Variants in SFMBT2 observed in about 807,000 individuals in gnomAD.
SFMBT2 encodes the protein Scm like with four mbt domains 2.
A neutral mutation model predicts 110.1 loss-of-function variants in SFMBT2; 38 were observed. That is an observed-to-expected ratio of 0.35 (90% CI 0.27 to 0.45). The LOEUF (loss-of-function observed/expected upper bound fraction) is 0.45, where lower values mean the gene tolerates loss of function less well. Ranked by LOEUF, SFMBT2 falls within the 20% of genes least tolerant of loss-of-function variation. SFMBT2 has a pLI of 1.00. For synonymous variants in SFMBT2, 425 were observed against 425.4 expected, an observed-to-expected ratio of 1.00 and a Z score of 0.01; for missense variants, 1,011 against 1,094.9, an observed-to-expected ratio of 0.92 and a Z score of 1.08.
chr10:7,349,526 C>T (rs1446991730), intron 4 of SFMBT2, among the ~76,000 whole-genome samples: 2 of 126,084 alleles, frequency 1.6e-5, no homozygotes, highest in South Asian at 2.8e-4. Flanking sequence ...GGCATGATCT[C>T]AGTTCACTGC....
At chr10:7,205,967 T>C (rs373968940) in intron 11 of SFMBT2, 39 bp from the exon 12 acceptor site, 12 of 1,609,222 alleles carry the variant, frequency 7.5e-6, no homozygotes, top group African/African-American at 1.3e-5. Context: ...TACAAACAGA[T>C]CTTACCAACA....
intron 1 of SFMBT2, among the ~76,000 whole-genome samples, chr10:7,384,441 T>C (rs1845527391): frequency 6.6e-6 from 1 of 151,680 alleles, no homozygotes; most frequent in Non-Finnish European, 1.5e-5. Context: ...AAACTGAGTT[T>C]GCTTCGTTCA....
At chr10:7,179,390 CGA>C (rs1491341425) in intron 16 of SFMBT2, among the ~76,000 whole-genome samples, 3 of 24,982 alleles carry the variant, frequency 1.2e-4, no homozygotes, top group Non-Finnish European at 1.8e-4. Flanking sequence ...GTTGCATTTT[CGA>C]AAAAAAAAAA....
chr10:7,293,227 T>A lies in SFMBT2; in HGVS notation c.437-7273A>T, dbSNP rs1842313504. ...CCATCTCCAGCCTCAGCTTCCCGAG[T>A]AGCTGGGACTACAGGCACGCCCTAC... On this transcript the variant is annotated intron_variant, in intron 4 of 20. Coordinates refer to ENST00000397167, the MANE Select transcript of SFMBT2 (RefSeq NM_001387889.1). The surrounding 1 kb of genome is among the most constrained non-coding windows in gnomAD (Gnocchi z 4.6). 6.6e-6 allele frequency among the ~76,000 whole-genome samples: 1 copy of A among 151,890 alleles called. No homozygotes were observed. Among genetic ancestry groups the A allele is most frequent in the Non-Finnish European group, 1.5e-5 (1 of 67,974 alleles).
chr10:7,303,542 G>A (rs907077214), intron 4 of SFMBT2, among the ~76,000 whole-genome samples: 14 of 152,118 alleles, frequency 9.2e-5, no homozygotes, highest in Non-Finnish European at 2.1e-4. Context: ...AAAGGGTGGT[G>A]TAATAAAATA....
intron 9 of SFMBT2, among the ~76,000 whole-genome samples, 191 bp from the exon 10 acceptor site, chr10:7,228,128 C>CG (rs1839951782): frequency 6.6e-6 from 1 of 152,174 alleles, no homozygotes; most frequent in Admixed American, 6.5e-5. Flanking sequence ...GGTAAACCAT[C>CG]GTTACTATAA....
At chr10:7,295,713 A>G (rs1039022845) in intron 4 of SFMBT2, among the ~76,000 whole-genome samples, 14 of 152,216 alleles carry the variant, frequency 9.2e-5, no homozygotes, top group African/African-American at 3.1e-4. Context: ...AGCATGTGTA[A>G]CCTAGAAAGC....
chr10:7,216,417 T>G (rs1839539802), intron 11 of SFMBT2, among the ~76,000 whole-genome samples: 1 of 152,058 alleles, frequency 6.6e-6, no homozygotes, highest in Non-Finnish European at 1.5e-5. Context: ...GGCCTCATTC[T>G]CTCCTGCCGC....
At chr10:7,321,116 G>A in intron 4 of SFMBT2, among the ~76,000 whole-genome samples, 1 of 151,990 alleles carries the variant, frequency 6.6e-6, no homozygotes, top group South Asian at 2.1e-4. Flanking sequence ...GAGGAGGAAG[G>A]CTCTCAGTTA....
At chr10:7,374,758 G>T (rs1470974571) in intron 2 of SFMBT2, among the ~76,000 whole-genome samples, 1 of 152,164 alleles carries the variant, frequency 6.6e-6, no homozygotes, top group African/African-American at 2.4e-5. Context: ...AAACCTTCAT[G>T]CCCAGCACTG....
chr10:7,338,306 CTGAAA>C (rs1243069764), intron 4 of SFMBT2, among the ~76,000 whole-genome samples: 1 of 152,124 alleles, frequency 6.6e-6, no homozygotes, highest in Non-Finnish European at 1.5e-5. Flanking sequence ...CCCTGTAAAA[CTGAAA>C]TTCTAGTTTT....
At chr10:7,302,308 T>C (rs1252930097) in intron 4 of SFMBT2, among the ~76,000 whole-genome samples, 2 of 152,234 alleles carry the variant, frequency 1.3e-5, no homozygotes, top group African/African-American at 4.8e-5. Context: ...AACTCAGTTC[T>C]TATAGTCTGA....
At chr10:7,341,682 C>G (rs1409066283) in intron 4 of SFMBT2, among the ~76,000 whole-genome samples, 1 of 152,126 alleles carries the variant, frequency 6.6e-6, no homozygotes, top group African/African-American at 2.4e-5. Flanking sequence ...GCAGAATTAT[C>G]TTTTACAGAC....
chr10:7,267,990 A>T (rs1841449259), intron 7 of SFMBT2, among the ~76,000 whole-genome samples: 1 of 152,232 alleles, frequency 6.6e-6, no homozygotes, highest in East Asian at 1.9e-4. Context: ...TTTCTTATTT[A>T]TAGATCTTTT....
intron 11 of SFMBT2, among the ~76,000 whole-genome samples, chr10:7,219,326 T>C (rs577970459): frequency 1.3e-5 from 2 of 152,368 alleles, no homozygotes; most frequent in East Asian, 3.9e-4. Context: ...TTTTTGGGAA[T>C]TTCCATTTAT....
In SFMBT2 at chr10:7,243,780, A is replaced by T. The variant is rs986280370; in HGVS notation, c.973-75T>A. ...TATAATGCTAGTATAAAATAGTGGC[A>T]GAGCTTCCAAAGGCAATTAATATAG... On this transcript the variant is annotated intron_variant, in intron 8 of 20. Coordinates refer to ENST00000397167, the MANE Select transcript of SFMBT2 (RefSeq NM_001387889.1). The T allele has an allele frequency of 4.1e-6, 3 of 739,890 alleles. No homozygotes were observed. In the African/African-American group the frequency reaches 5.2e-5, roughly 13 times the overall value. The allele number at this position is 739,890 out of a possible 1,614,324, so 45.8% of individuals were successfully genotyped here.
At position 7,170,650 on chromosome 10, in the gene SFMBT2, C is replaced by A. The variant is rs1837845837; in HGVS notation, c.2544+278G>T. On this transcript the variant is annotated intron_variant, in intron 20 of 20. Transcript: ENST00000397167. This position sits in a 1 kb window ranked among gnomAD's most constrained non-coding sequence, Gnocchi z 4.6. ...CTGGCAGCAACAGGCACCTCCCACCCCTGCTGGGTGGTGTCACTAGAGCCT... is the reference window on the plus strand; with the variant it reads ...CTGGCAGCAACAGGCACCTCCCACCACTGCTGGGTGGTGTCACTAGAGCCT... Among the ~76,000 whole-genome samples the A allele has an allele frequency of 6.6e-6, 1 of 152,112 alleles. No individual in the cohort carries two copies. Among genetic ancestry groups the A allele is most frequent in the Non-Finnish European group, 1.5e-5 (1 of 67,994 alleles).
chr10:7,346,736 G>A (rs186533232), intron 4 of SFMBT2, among the ~76,000 whole-genome samples: 428 of 151,006 alleles, frequency 2.8e-3, no homozygotes, highest in Non-Finnish European at 4.0e-3. Flanking sequence ...TTGGGAGGCC[G>A]AGATAGGAGG....
intron 11 of SFMBT2, 76 bp from the exon 12 acceptor site, chr10:7,206,004 A>G (rs1358734073): frequency 1.1e-5 from 17 of 1,576,916 alleles, no homozygotes; most frequent in Non-Finnish European, 1.4e-5. Context: ...ACAATAATAG[A>G]GCATCCCTAA....
Sources: gnomAD v4.1 joint callset for allele counts (sites outside exome capture counted in the v4.1 genomes callset) on GRCh38, gnomAD v4.1.1 for gene constraint, Gnocchi (gnomAD v3.1) non-coding constraint, MANE v1.5 for transcripts, NCBI Gene and HGNC (gene_info 2026-07-23, HGNC 2026-07-21) for gene names.